Variants in ZNF92 observed in about 807,000 individuals in gnomAD.
The protein encoded by ZNF92 is zinc finger protein 92.
ZNF92 carries 11 observed loss-of-function variants against 12.4 expected under a neutral mutation model. The ratio of observed to expected loss-of-function variants is 0.89; its 90% CI spans 0.56 to 1.47. The LOEUF (loss-of-function observed/expected upper bound fraction) is 1.47. ZNF92 is among the 40% of genes most tolerant of loss of function. The probability of loss-of-function intolerance (pLI) is 0.00; values close to 1 mark genes in which losing one functional copy is unlikely to be tolerated. For missense variants in ZNF92, 622 were observed against 681.0 expected (o/e 0.91, Z 0.96); for synonymous variants, 206 against 228.6 (o/e 0.90, Z 0.89).
intron 1 of ZNF92, among the ~76,000 whole-genome samples, chr7:65,376,583 A>G (rs1000660136): frequency 1.3e-5 from 2 of 152,042 alleles, no homozygotes; most frequent in Non-Finnish European, 1.5e-5. Flanking sequence ...AGTAGCTGAC[A>G]TTACAGGTGC....
intron 1 of ZNF92, among the ~76,000 whole-genome samples, chr7:65,380,390 C>A (rs546499277): frequency 6.6e-6 from 1 of 152,082 alleles, no homozygotes; most frequent in East Asian, 1.9e-4. Flanking sequence ...CCTAAGCCCC[C>A]CAAGTAGCTG....
In ZNF92 at chr7:65,398,582, A is replaced by G. The variant is rs1489679255; in HGVS notation, c.468A>G (p.Lys156=). The change falls in exon 4 of 4, where the codon AAA becomes AAG. Residue 156 remains lysine, a synonymous_variant. Transcript: ENST00000328747. ...QCDKYVKVFH[K]FPNVNRNKIR... ...ATAAATATGTGAAAGTCTTTCATAA[A>G]TTTCCAAATGTAAATAGAAATAAGA... 6.2e-7 allele frequency: 1 copy of G among 1,607,974 alleles called. No homozygotes were observed. The highest frequency in any genetic ancestry group is 1.3e-5 in the African/African-American group (1 of 74,432).
intron 3 of ZNF92, among the ~76,000 whole-genome samples, chr7:65,389,814 C>G (rs923772480): frequency 1.3e-5 from 2 of 151,676 alleles, no homozygotes; most frequent in African/African-American, 2.4e-5. Context: ...TGTGCCTAGC[C>G]CAGAAATTTA....
intron 1 of ZNF92, among the ~76,000 whole-genome samples, chr7:65,379,577 G>A (rs1246832180): frequency 1.3e-5 from 2 of 152,000 alleles, no homozygotes; most frequent in African/African-American, 4.8e-5. Flanking sequence ...AGACATTGAT[G>A]TGCACACACT....
chr7:65,386,371 G>A (rs552560865), intron 1 of ZNF92, among the ~76,000 whole-genome samples: 4 of 152,134 alleles, frequency 2.6e-5, no homozygotes, highest in African/African-American at 9.6e-5. Context: ...CTTCTTATAT[G>A]CCATGTAGAA....
intron 1 of ZNF92, among the ~76,000 whole-genome samples, chr7:65,380,760 G>A (rs1273839664): frequency 6.6e-6 from 1 of 152,054 alleles, no homozygotes; most frequent in Non-Finnish European, 1.5e-5. Flanking sequence ...AGTTTTGTGA[G>A]GAATTGTCAC....
chr7:65,376,556 G>A (rs1793244141), intron 1 of ZNF92, among the ~76,000 whole-genome samples: 1 of 152,004 alleles, frequency 6.6e-6, no homozygotes, highest in Non-Finnish European at 1.5e-5. Flanking sequence ...AAGCGATTCT[G>A]CTGCCTTAGC....
At position 65,400,407 on chromosome 7, in the gene ZNF92, A is replaced by T. The variant is rs368792116; in HGVS notation, c.*532A>T. 2 of 152,038 alleles carry T rather than the reference A, an allele frequency of 1.3e-5. No individual in the cohort carries two copies. Among genetic ancestry groups the T allele is most frequent in the African/African-American group, 4.8e-5 (2 of 41,392 alleles). 9.4% of individuals were successfully genotyped at this position (152,038 alleles called of 1,614,324 possible). A position where few individuals can be genotyped will look rare whatever the true frequency, so the allele number is the denominator to read the frequency against. ...CCTGCAAATGTAATAAATATGGAAA[A>T]ACATTTTTTCAAAAACTACAGCTTG... On this transcript the variant is annotated 3_prime_UTR_variant, in exon 4 of 4. Coordinates refer to ENST00000328747, the MANE Select transcript of ZNF92 (RefSeq NM_152626.4).
chr7:65,373,865 G>A lies in ZNF92; in HGVS notation c.-133G>A. 1 of 1,275,500 alleles carries A rather than the reference G, an allele frequency of 7.8e-7. No homozygotes were observed. 79.0% of individuals were successfully genotyped at this position (1,275,500 alleles called of 1,614,324 possible). A position where few individuals can be genotyped will look rare whatever the true frequency, so the allele number is the denominator to read the frequency against. ...TTTGGCGGGGCCTTTGTCTCTCGCT[G>A]CAGCCGGCGCTCCACGTCTAGTCTT... On this transcript the variant is annotated 5_prime_UTR_variant, in exon 1 of 4. Transcript: ENST00000328747.
rs1205846919 is a variant in ZNF92 at position 65,400,286 on chromosome 7, A to G, written c.*411A>G. 1.3e-5 allele frequency: 2 copies of G among 156,574 alleles called. No individual in the cohort carries two copies. Among genetic ancestry groups the G allele is most frequent in the African/African-American group, 2.4e-5 (1 of 41,448 alleles). The allele number at this position is 156,574 out of a possible 1,614,324, so 9.7% of individuals were successfully genotyped here. A position where few individuals can be genotyped will look rare whatever the true frequency, so the allele number is the denominator to read the frequency against. ...GTTGTAGTACCTTTAGTTTTATGAT[A>G]GATCTTATTGTACACATTTTGTACC... On this transcript the variant is annotated 3_prime_UTR_variant, in exon 4 of 4. Coordinates refer to ENST00000328747, the MANE Select transcript of ZNF92 (RefSeq NM_152626.4).
At chr7:65,380,721 GA>G (rs1222427172) in intron 1 of ZNF92, among the ~76,000 whole-genome samples, 1 of 152,082 alleles carries the variant, frequency 6.6e-6, no homozygotes, top group Non-Finnish European at 1.5e-5. Flanking sequence ...ACCTAATTAG[GA>G]GGTGGGTCAA....
chr7:65,384,384 T>A (rs958069569), intron 1 of ZNF92, among the ~76,000 whole-genome samples: 1 of 152,110 alleles, frequency 6.6e-6, no homozygotes, highest in Non-Finnish European at 1.5e-5. Context: ...GAAGTCTGGC[T>A]TCACCTTGGA....
chr7:65,387,002 C>T (rs1290208510), intron 1 of ZNF92, among the ~76,000 whole-genome samples: 1 of 149,022 alleles, frequency 6.7e-6, no homozygotes, highest in Non-Finnish European at 1.5e-5. Flanking sequence ...TGCAATGGCG[C>T]AATCTCGGCT....
intron 1 of ZNF92, 134 bp from the exon 2 acceptor site, chr7:65,387,764 TTGGA>T: frequency 7.2e-6 from 7 of 971,144 alleles, no homozygotes; most frequent in Non-Finnish European, 9.9e-6. Flanking sequence ...AATTATTTTA[TTGGA>T]TCATTTCAGT....
At chr7:65,381,538 T>C (rs1793420872) in intron 1 of ZNF92, among the ~76,000 whole-genome samples, 2 of 152,200 alleles carry the variant, frequency 1.3e-5, no homozygotes, top group Middle Eastern at 3.4e-3. Context: ...TTTAGTTTAA[T>C]TTGGTCCCAT....
Position 65,388,926 on chromosome 7 carries a change from C to A in ZNF92, c.226+25C>A, listed in dbSNP as rs775594540. 1.2e-5 allele frequency: 19 copies of A among 1,541,570 alleles called. 1 individual carries two copies. Among genetic ancestry groups the A allele is most frequent in the Non-Finnish European group, 1.6e-5 (18 of 1,135,020 alleles). ...GGTAGGTGACAGTTAATACAACAGA[C>A]AACACAAATGAGAGGTCCAAAAGTC... On this transcript the variant is annotated intron_variant, in intron 3 of 3. Transcript: ENST00000328747.
intron 3 of ZNF92, among the ~76,000 whole-genome samples, chr7:65,394,152 A>G (rs1328131712): frequency 3.9e-5 from 6 of 152,044 alleles, no homozygotes; most frequent in African/African-American, 1.2e-4. Flanking sequence ...GCCAAGACCA[A>G]TGTAATGTCT....
chr7:65,396,367 A>G (rs1793846924), intron 3 of ZNF92, among the ~76,000 whole-genome samples: 1 of 151,952 alleles, frequency 6.6e-6, no homozygotes, highest in South Asian at 2.1e-4. Flanking sequence ...TGTTTTGCAT[A>G]GTTTCTATAA....
intron 1 of ZNF92, among the ~76,000 whole-genome samples, chr7:65,384,922 G>A (rs191446486): frequency 3.5e-4 from 54 of 152,290 alleles, no homozygotes; most frequent in African/African-American, 1.2e-3. Context: ...TAGTGCATGT[G>A]TAAATGTTGT....
Sources: allele counts gnomAD v4.1 joint callset (sites outside exome capture counted in the v4.1 genomes callset), GRCh38; gene constraint gnomAD v4.1.1; transcripts MANE v1.5; gene names NCBI Gene and HGNC (gene_info 2026-07-23, HGNC 2026-07-21).